The following TKT variants were observed in gnomAD, a reference collection of about 807,000 sequenced individuals.
The protein encoded by TKT is epididymis luminal protein 107.
TKT carries 47 observed loss-of-function variants against 63.9 expected under a neutral mutation model. That is an observed-to-expected ratio of 0.74 (90% CI 0.58 to 0.94). The LOEUF is 0.94. Ranked by LOEUF, TKT falls within the 40% of genes least tolerant of loss-of-function variation. The probability of loss-of-function intolerance (pLI) is 0.00; values close to 1 mark genes in which losing one functional copy is unlikely to be tolerated. For synonymous variants in TKT, 338 were observed against 334.1 expected (o/e 1.01, Z -0.13); for missense variants, 721 against 846.2 (o/e 0.85, Z 1.84).
intron 1 of TKT, 50 bp downstream of exon 1, chr3:53,255,786 C>A: frequency 8.0e-7 from 1 of 1,257,408 alleles, no homozygotes; most frequent in East Asian, 3.3e-5. Flanking sequence ...CCGCCGCAGA[C>A]GCCCCCCGCC....
At chr3:53,227,962 T>TTCAAGAAAGAACAGAAAGAAC (rs1553675920) in intron 12 of TKT, 94 bp downstream of exon 12, 2 of 1,099,070 alleles carry the variant, frequency 1.8e-6, no homozygotes, top group African/African-American at 1.6e-5. Flanking sequence ...CTGTGAGCTC[T>TTCAAGAAAGAACAGAAAGAAC]TCAAGAAAGA....
rs1453068800 is a variant in TKT, at chr3:53,243,687, C to T, written c.108-1445G>A. ...TTTTCTGCCTGGCAGGGACCCTAAT[C>T]CCACGCTCCCAGTGCCAGCTTCAAC... On this transcript the variant is annotated intron_variant, in intron 1 of 13. Transcript: ENST00000462138. 2.4e-5 allele frequency: 11 copies of T among 451,856 alleles called. No individual in the cohort carries two copies. In the East Asian group the frequency reaches 7.7e-4, roughly 31 times the overall value. The allele number at this position is 451,856 out of a possible 1,614,324, so 28.0% of individuals were successfully genotyped here. A position where few individuals can be genotyped will look rare whatever the true frequency, so the allele number is the denominator to read the frequency against.
chr3:53,234,246 A>G (rs1177102154), intron 5 of TKT: 2 of 152,258 alleles, frequency 1.3e-5, no homozygotes, highest in East Asian at 3.8e-4. Flanking sequence ...GGTAACCCCA[A>G]GCATCCTGTT....
intron 1 of TKT, among the ~76,000 whole-genome samples, chr3:53,247,162 G>A (rs1370028937): frequency 6.6e-6 from 1 of 151,736 alleles, no homozygotes; most frequent in Non-Finnish European, 1.5e-5. Context: ...TCTGAGACCA[G>A]CTTGGCCAAC....
chr3:53,248,019 T>C (rs1705591298), intron 1 of TKT, among the ~76,000 whole-genome samples: 1 of 152,186 alleles, frequency 6.6e-6, no homozygotes, highest in South Asian at 2.1e-4. Flanking sequence ...AATGAATACA[T>C]GATGTATCCT....
chr3:53,239,825 T>A (rs1553679400), intron 4 of TKT, among the ~76,000 whole-genome samples: 1 of 152,170 alleles, frequency 6.6e-6, no homozygotes, highest in East Asian at 1.9e-4. Context: ...TTTACCAAGA[T>A]AAAGGCAAGT....
At chr3:53,243,744 C>T (rs1705387720) in intron 1 of TKT, 4 of 411,210 alleles carry the variant, frequency 9.7e-6, no homozygotes, top group Non-Finnish European at 1.9e-5. Flanking sequence ...GCTCCCAGGG[C>T]CAGCTTCAAC....
chr3:53,231,719 G>A (rs1047341269), intron 6 of TKT, 169 bp from the exon 7 acceptor site: 17 of 653,758 alleles, frequency 2.6e-5, no homozygotes, highest in African/African-American at 1.6e-4. Context: ...AAGGAGGGTC[G>A]CAGTGAATAG....
Position 53,240,317 on chromosome 3 carries a change from G to A in TKT, c.371C>T (p.Ser124Phe), listed in dbSNP as rs782416031. 1 of 1,612,990 alleles carries A rather than the reference G, an allele frequency of 6.2e-7. No homozygotes were observed. The highest frequency in any genetic ancestry group is 8.5e-7 in the Non-Finnish European group (1 of 1,179,456). ...KQAFTDVATGSLGQGLGAACG... is the reference protein window; with the variant it reads ...KQAFTDVATGFLGQGLGAACG... ...AGCGGCCCCGAGGCCCTGGCCCAGG[G>A]AGCCAGTGGCCACGTCGGTGAAAGC... The change falls in exon 4 of 14, where the codon TCC becomes TTC. Residue 124 changes from serine to phenylalanine, a missense_variant. Coordinates refer to ENST00000462138, the MANE Select transcript of TKT (RefSeq NM_001064.4).
intron 1 of TKT, among the ~76,000 whole-genome samples, chr3:53,242,971 G>C (rs1705349661): frequency 6.6e-6 from 1 of 152,156 alleles, no homozygotes; most frequent in Non-Finnish European, 1.5e-5. Flanking sequence ...CTAGGAAACA[G>C]GCTTTTGTGT....
At chr3:53,236,638 G>T (rs1457910206) in intron 4 of TKT, among the ~76,000 whole-genome samples, 3 of 152,204 alleles carry the variant, frequency 2.0e-5, no homozygotes, top group Admixed American at 6.5e-5. Context: ...AAGCCAACTC[G>T]ACTTCCCAGA....
chr3:53,238,819 C>G (rs1464222673), intron 4 of TKT, among the ~76,000 whole-genome samples: 2 of 152,240 alleles, frequency 1.3e-5, no homozygotes, highest in African/African-American at 4.8e-5. Flanking sequence ...GGTTCTCACA[C>G]CACTACCCAA....
At chr3:53,241,284 A>G (rs1553679821) in intron 2 of TKT, 39 bp from the exon 3 acceptor site, 1 of 1,564,174 alleles carries the variant, frequency 6.4e-7, no homozygotes, top group Middle Eastern at 1.7e-4. Flanking sequence ...TCAGGTGGGG[A>G]GCGGTTCTAC....
intron 12 of TKT, 92 bp from the exon 13 acceptor site, chr3:53,226,970 G>A (rs577560630): frequency 2.5e-5 from 36 of 1,465,894 alleles, no homozygotes; most frequent in African/African-American, 7.1e-5. Context: ...TGAGGGCTGC[G>A]TGTAGCTAAG....
chr3:53,231,483 C>G lies in TKT; in HGVS notation c.816G>C (p.Gln272His). ...TGCTCTGGATCTGGCTGTAGATCTC[C>G]TGGATGATCTGCTCAGCCATGTTTT... is the stretch of plus-strand genomic sequence containing the variant. ...LPKNMAEQII[Q>H]EIYSQIQSKK... Residue 272 changes from glutamine (Q) to histidine (H), a missense_variant, in exon 7 of 14, where the codon CAG (glutamine) becomes CAC (histidine). Transcript: ENST00000462138. The G allele has an allele frequency of 5.0e-6, 8 of 1,614,140 alleles. No homozygotes were observed. The highest frequency in any genetic ancestry group is 4.5e-5 in the East Asian group (2 of 44,882).
chr3:53,233,310 C>T (rs1371673555), intron 5 of TKT, 36 bp from the exon 6 acceptor site: 2 of 1,547,348 alleles, frequency 1.3e-6, no homozygotes, highest in African/African-American at 2.7e-5. Flanking sequence ...GGGCAATTCC[C>T]AGGGGCCACA....
intron 3 of TKT, 141 bp from the exon 4 acceptor site, chr3:53,240,489 G>C: frequency 1.6e-6 from 1 of 644,262 alleles, no homozygotes; most frequent in Non-Finnish European, 2.6e-6. Flanking sequence ...TACCTAGCAT[G>C]TGACTTCTTC....
chr3:53,233,302 G>A (rs376346223), intron 5 of TKT, 28 bp from the exon 6 acceptor site: 4 of 1,570,130 alleles, frequency 2.5e-6, no homozygotes, highest in Non-Finnish European at 2.6e-6. Flanking sequence ...AGAGTAAGGG[G>A]CAATTCCCAG....
At chr3:53,241,669 G>T (rs533094059) in intron 2 of TKT, among the ~76,000 whole-genome samples, 1 of 151,710 alleles carries the variant, frequency 6.6e-6, no homozygotes, top group East Asian at 1.9e-4. Flanking sequence ...CCACCCAGAA[G>T]GGGGGGGTCA....
Sources: gnomAD v4.1 joint callset for allele counts (sites outside exome capture counted in the v4.1 genomes callset) on GRCh38, gnomAD v4.1.1 for gene constraint, MANE v1.5 for transcripts, NCBI Gene and HGNC (gene_info 2026-07-23, HGNC 2026-07-21) for gene names.